The following PSMD5 variants were observed in gnomAD, a reference collection of about 807,000 sequenced individuals.
PSMD5 encodes 26S proteasome non-ATPase regulatory subunit 5.
In PSMD5, 40 loss-of-function variants were observed where a neutral mutation model predicts 52.1. The observed-to-expected ratio is 0.77, with a 90% CI of 0.60 to 1.00. PSMD5 has a LOEUF of 1.00. Ranked by LOEUF, PSMD5 falls within the 50% of genes least tolerant of loss-of-function variation. The probability of loss-of-function intolerance (pLI) is 0.00; values close to 1 mark genes in which losing one functional copy is unlikely to be tolerated. For synonymous variants in PSMD5, 211 were observed against 226.6 expected, an observed-to-expected ratio of 0.93 and a Z score of 0.62; for missense variants, 575 against 605.2, an observed-to-expected ratio of 0.95 and a Z score of 0.52.
At chr9:120,833,287 G>A (rs753794491) in intron 2 of PSMD5, 25 bp downstream of exon 2, 3 of 1,610,860 alleles carry the variant, frequency 1.9e-6, no homozygotes, top group Non-Finnish European at 2.5e-6. Flanking sequence ...GGTGGTCAAT[G>A]TCGGTTCCTA....
At chr9:120,831,230 G>A in intron 4 of PSMD5, 101 bp downstream of exon 4, 2 of 1,261,478 alleles carry the variant, frequency 1.6e-6, no homozygotes, top group Non-Finnish European at 2.1e-6. Flanking sequence ...CTACTGTAGG[G>A]CCAAACACAG....
Position 120,824,371 on chromosome 9 carries a change from T to A in PSMD5, c.1006+123A>T, listed in dbSNP as rs777940231. 5 of 932,208 alleles carry A rather than the reference T, an allele frequency of 5.4e-6. No homozygotes were observed. In the African/African-American group the frequency reaches 8.2e-5, roughly 15 times the overall value. The allele number at this position is 932,208 out of a possible 1,614,324, so 57.7% of individuals were successfully genotyped here. On this transcript the variant is annotated intron_variant, in intron 7 of 9. Transcript: ENST00000210313. ...TTCAGACATGAGTACAAGGTCATGG[T>A]TAACAAGACTGCCACCCATAAAATA...
rs142414894 is a variant in PSMD5 at position 120,820,370 on chromosome 9, G to A, written c.1257+469C>T. ...GTTTAACTCAACCTTGTCAATCTGGGCAAAGTGTGCTGAAGACAAGGAGTT... is the reference window on the plus strand; with the variant it reads ...GTTTAACTCAACCTTGTCAATCTGGACAAAGTGTGCTGAAGACAAGGAGTT... On this transcript the variant is annotated intron_variant, in intron 9 of 9. Transcript: ENST00000210313. Among the ~76,000 whole-genome samples, 7 of 152,314 alleles carry A rather than the reference G, an allele frequency of 4.6e-5. No individual in the cohort carries two copies. The East Asian group carries it at 1.3e-3, about 29-fold the overall frequency.
chr9:120,839,473 A>C (rs2045219045), intron 1 of PSMD5, among the ~76,000 whole-genome samples: 1 of 152,232 alleles, frequency 6.6e-6, no homozygotes, highest in African/African-American at 2.4e-5. Context: ...CAATAGGGAA[A>C]AAATGAGGGC....
In PSMD5 at chr9:120,831,337, C is replaced by T. The variant is rs756582688; in HGVS notation, c.555G>A (p.Val185=). The T allele has an allele frequency of 8.1e-6, 13 of 1,599,614 alleles. No individual in the cohort carries two copies. The South Asian group carries it at 1.0e-4, about 13-fold the overall frequency. The change falls in exon 4 of 10, where the codon GTG becomes GTA. Residue 185 remains valine, a synonymous_variant. Transcript: ENST00000210313. ...AGTGTGCTTTTTATCTTACCTCATACACCCTGTATCGAACAATGTCATTTG... is the reference window on the plus strand; with the variant it reads ...AGTGTGCTTTTTATCTTACCTCATATACCCTGTATCGAACAATGTCATTTG... ...MKTNDIVRYR[V]YELIIEISSV...
At chr9:120,832,092 A>G in intron 2 of PSMD5, 147 bp from the exon 3 acceptor site, 1 of 1,352,546 alleles carries the variant, frequency 7.4e-7, no homozygotes, top group Non-Finnish European at 9.7e-7. Flanking sequence ...AAATGACCTA[A>G]ATTCATTCAG....
Position 120,817,971 on chromosome 9 carries a change from A to G in PSMD5, c.1450T>C (p.Tyr484His). ...GNPNYLRLRT[Y>H]LSEGPYYVKP... ...ACATAGTATGGCCCTTCACTCAGGT[A>G]AGTTCTGAGCCTCAAATAATTTGGG... Residue 484 changes from tyrosine (Y) to histidine (H), a missense_variant, in exon 10 of 10, where the codon TAC (tyrosine) becomes CAC (histidine). By Grantham distance (83) the Tyr-to-His change is moderately conservative (BLOSUM62 2). Transcript: ENST00000210313. The G allele has an allele frequency of 1.9e-6, 3 of 1,614,162 alleles. No homozygotes were observed. Among genetic ancestry groups the G allele is most frequent in the African/African-American group, 1.3e-5 (1 of 75,050 alleles).
In PSMD5 at chr9:120,831,850, A is replaced by G; in HGVS notation, c.414T>C (p.Asn138=). The change falls in exon 3 of 10, where the codon AAT becomes AAC. Residue 138 remains asparagine, a synonymous_variant. Transcript: ENST00000210313. ...GACTCACCGCTTTTGCTACAGATAG[A>G]TTCTCTCCACCAATGCAATAAACAA... ...KQIVYCIGGE[N]LSVAKAAIKS... 6.2e-7 allele frequency: 1 copy of G among 1,613,102 alleles called. No homozygotes were observed. The highest frequency in any genetic ancestry group is 1.7e-4 in the Middle Eastern group (1 of 6,054).
At chr9:120,828,675 C>T (rs2045140021) in intron 5 of PSMD5, among the ~76,000 whole-genome samples, 1 of 152,304 alleles carries the variant, frequency 6.6e-6, no homozygotes, top group African/African-American at 2.4e-5. Flanking sequence ...AATCGCCCAC[C>T]TCAGCCTCCC....
intron 7 of PSMD5, among the ~76,000 whole-genome samples, chr9:120,823,807 T>C (rs193025144): frequency 6.6e-6 from 1 of 152,188 alleles, no homozygotes; most frequent in East Asian, 1.9e-4. Context: ...CCATTGTATC[T>C]CTTAACATGC....
chr9:120,837,496 C>A (rs1000731406), intron 1 of PSMD5, among the ~76,000 whole-genome samples: 2 of 152,174 alleles, frequency 1.3e-5, no homozygotes, highest in Non-Finnish European at 2.9e-5. Flanking sequence ...ACACCCAGCT[C>A]AATTTATTCT....
At position 120,842,769 on chromosome 9, in the gene PSMD5, G is replaced by T; in HGVS notation, c.141C>A (p.Gly47=). Residue 47 remains glycine, a synonymous_variant, in exon 1 of 10, where the codon GGC becomes GGA. Coordinates refer to ENST00000210313, the MANE Select transcript of PSMD5 (RefSeq NM_005047.4). ...LRQQAAELRL[G]PLFSLLNENH... ...TCTCGTTAAGCAGGGAGAAGAGCGG[G>T]CCGAGGCGCAGCTCCGCCGCTTGCT... The T allele has an allele frequency of 6.2e-7, 1 of 1,613,210 alleles. No homozygotes were observed. Among genetic ancestry groups the T allele is most frequent in the South Asian group, 1.1e-5 (1 of 91,070 alleles).
rs2045142683 is a variant in PSMD5, at chr9:120,829,084, A to G, written c.671+15T>C. 6.5e-7 allele frequency: 1 copy of G among 1,541,650 alleles called. No individual in the cohort carries two copies. Among genetic ancestry groups the G allele is most frequent in the Non-Finnish European group, 8.7e-7 (1 of 1,143,706 alleles). On this transcript the variant is annotated intron_variant, in intron 5 of 9. Coordinates refer to ENST00000210313, the MANE Select transcript of PSMD5 (RefSeq NM_005047.4). ...CAAAAGAGGATATTTCACTTTAAGAACTCAGTCAACACACCTGACCAACAC... is the reference window on the plus strand; with the variant it reads ...CAAAAGAGGATATTTCACTTTAAGAGCTCAGTCAACACACCTGACCAACAC...
chr9:120,840,869 C>T (rs1478855216), intron 1 of PSMD5, among the ~76,000 whole-genome samples: 1 of 152,098 alleles, frequency 6.6e-6, no homozygotes, highest in Non-Finnish European at 1.5e-5. Flanking sequence ...CCACCCGCCT[C>T]GGCCTCCCAA....
In PSMD5 at chr9:120,833,381, G is replaced by A. The variant is rs750224142; in HGVS notation, c.249C>T (p.Asn83=). Residue 83 remains asparagine, a synonymous_variant, in exon 2 of 10, where the codon AAC becomes AAT. Coordinates refer to ENST00000210313, the MANE Select transcript of PSMD5 (RefSeq NM_005047.4). ...GTCCCCTCTGCAGGTCAACCCTGAG[G>A]TTCCGGGCCACGTGAACCGGTTCCA... ...QAMEPVHVAR[N]LRVDLQRGLI... 4.9e-5 allele frequency: 79 copies of A among 1,613,946 alleles called. No individual in the cohort carries two copies. The highest frequency in any genetic ancestry group is 6.6e-5 in the Non-Finnish European group (78 of 1,179,956).
intron 9 of PSMD5, among the ~76,000 whole-genome samples, chr9:120,819,555 C>T (rs1046895147): frequency 5.9e-5 from 9 of 152,228 alleles, no homozygotes; most frequent in African/African-American, 2.2e-4. Flanking sequence ...ATGTTTCTGG[C>T]TAGGCGCGGT....
At position 120,820,539 on chromosome 9, in the gene PSMD5, C is replaced by T. The variant is rs61585240; in HGVS notation, c.1257+300G>A. The stretch of plus-strand genomic sequence containing the variant: ...GGTGCCAGAAGCCTTATTTTCTGCA[C>T]GGGAAATAAGGATTAGGAAGACCAG... On this transcript the variant is annotated intron_variant, in intron 9 of 9. Coordinates refer to ENST00000210313, the MANE Select transcript of PSMD5 (RefSeq NM_005047.4). Among the ~76,000 whole-genome samples the T allele has an allele frequency of 7.3e-3, 1,105 of 152,140 alleles. 15 individuals carry two copies. Among genetic ancestry groups the T allele is most frequent in the African/African-American group, 0.026 (1,068 of 41,506 alleles).
intron 4 of PSMD5, among the ~76,000 whole-genome samples, chr9:120,829,695 C>T (rs956345009): frequency 6.6e-6 from 1 of 152,222 alleles, no homozygotes; most frequent in African/African-American, 2.4e-5. Flanking sequence ...CATGCCCTGC[C>T]ACCTTGGCAC....
chr9:120,831,778 T>G, intron 3 of PSMD5, 54 bp downstream of exon 3: 12 of 1,566,854 alleles, frequency 7.7e-6, no homozygotes, highest in Non-Finnish European at 1.0e-5. Context: ...TTTCTTTATC[T>G]TTTGGGACAC....
Sources: gnomAD v4.1 joint callset for allele counts (sites outside exome capture counted in the v4.1 genomes callset) on GRCh38, gnomAD v4.1.1 for gene constraint, MANE v1.5 for transcripts, NCBI Gene and HGNC (gene_info 2026-07-23, HGNC 2026-07-21) for gene names.